HS3ST2: variants seen among roughly 807,000 people sequenced by gnomAD.
HS3ST2 encodes the protein heparan sulfate glucosamine 3-O-sulfotransferase 2.
A neutral mutation model predicts 26.3 loss-of-function variants in HS3ST2; 17 were observed. That is an observed-to-expected ratio of 0.65 (90% CI 0.44 to 0.97). HS3ST2 has a LOEUF of 0.97. HS3ST2 is among the 50% of genes least tolerant of loss of function. HS3ST2 has a pLI of 0.00. For missense variants in HS3ST2, 402 were observed against 501.2 expected (o/e 0.80, Z 1.89); for synonymous variants, 237 against 219.2 (o/e 1.08, Z -0.72).
chr16:22,843,612 G>C (rs1480588565), intron 1 of HS3ST2, among the ~76,000 whole-genome samples: 1 of 152,206 alleles, frequency 6.6e-6, no homozygotes, highest in African/African-American at 2.4e-5. Flanking sequence ...CACAGGGTGA[G>C]GTCTGGAAGG....
At chr16:22,905,923 G>A (rs1410015012) in intron 1 of HS3ST2, among the ~76,000 whole-genome samples, 1 of 152,158 alleles carries the variant, frequency 6.6e-6, no homozygotes, top group Non-Finnish European at 1.5e-5. Context: ...AAATTGGAAT[G>A]TACAGAAGAG....
At chr16:22,858,233 G>T (rs1901626447) in intron 1 of HS3ST2, among the ~76,000 whole-genome samples, 1 of 151,336 alleles carries the variant, frequency 6.6e-6, no homozygotes, top group Non-Finnish European at 1.5e-5. Flanking sequence ...GTGCTTGAGG[G>T]GATGGATACC....
chr16:22,839,677 A>G (rs190807392), intron 1 of HS3ST2, among the ~76,000 whole-genome samples: 12 of 151,670 alleles, frequency 7.9e-5, no homozygotes, highest in Admixed American at 7.2e-4. Context: ...AAAGATTCTG[A>G]TATCAGCCAC....
At chr16:22,866,546 G>A (rs1404224796) in intron 1 of HS3ST2, among the ~76,000 whole-genome samples, 3 of 152,132 alleles carry the variant, frequency 2.0e-5, no homozygotes, top group African/African-American at 7.2e-5. Flanking sequence ...AAGGCAGGCA[G>A]ATCACTTGAG....
chr16:22,833,866 G>A (rs1455404483), intron 1 of HS3ST2, among the ~76,000 whole-genome samples: 1 of 151,832 alleles, frequency 6.6e-6, no homozygotes, highest in Admixed American at 6.6e-5. Flanking sequence ...GCAGAATCCA[G>A]CATAGCAGAT....
intron 1 of HS3ST2, among the ~76,000 whole-genome samples, chr16:22,830,060 G>A (rs546705352): frequency 3.3e-5 from 5 of 152,244 alleles, no homozygotes; most frequent in Middle Eastern, 3.4e-3. Context: ...GCCCCAGACA[G>A]ACAGCCAGCA....
chr16:22,842,688 T>C (rs1901375953), intron 1 of HS3ST2, among the ~76,000 whole-genome samples: 1 of 152,172 alleles, frequency 6.6e-6, no homozygotes, highest in African/African-American at 2.4e-5. Context: ...TTCTCTCTAC[T>C]TCCTCCTCCC....
At chr16:22,885,229 GAA>G (rs2141198561) in intron 1 of HS3ST2, among the ~76,000 whole-genome samples, 1 of 151,902 alleles carries the variant, frequency 6.6e-6, no homozygotes, top group South Asian at 2.1e-4. Flanking sequence ...TGGCTTAGAA[GAA>G]AAAGTCTTGC....
intron 1 of HS3ST2, among the ~76,000 whole-genome samples, chr16:22,906,955 C>G (rs765316508): frequency 2.0e-5 from 3 of 152,210 alleles, no homozygotes; most frequent in Non-Finnish European, 4.4e-5. Context: ...TAAATGGATG[C>G]ATAACTAACA....
chr16:22,856,511 A>G (rs890197212), intron 1 of HS3ST2, among the ~76,000 whole-genome samples: 1 of 152,148 alleles, frequency 6.6e-6, no homozygotes, highest in African/African-American at 2.4e-5. Flanking sequence ...TCCTATTGCT[A>G]TGTAGGATTG....
intron 1 of HS3ST2, among the ~76,000 whole-genome samples, chr16:22,837,520 TACAC>T (rs1315305790): frequency 2.0e-5 from 3 of 147,062 alleles, no homozygotes; most frequent in Admixed American, 6.8e-5. Flanking sequence ...TGTATATATA[TACAC>T]ATATATATAC....
At chr16:22,821,776 G>A (rs1217188878) in intron 1 of HS3ST2, among the ~76,000 whole-genome samples, 1 of 152,148 alleles carries the variant, frequency 6.6e-6, no homozygotes, top group Admixed American at 6.5e-5. Context: ...TTCACAAGCA[G>A]CTTGACGAGG....
chr16:22,883,547 T>C (rs1247594953), intron 1 of HS3ST2, among the ~76,000 whole-genome samples: 3 of 152,226 alleles, frequency 2.0e-5, no homozygotes, highest in African/African-American at 7.2e-5. Context: ...GTGAGCTCTT[T>C]TAGAAAGTCA....
At position 22,831,158 on chromosome 16, in the gene HS3ST2, A is replaced by C. The variant is rs118026841; in HGVS notation, c.485+16063A>C. Among the ~76,000 whole-genome samples, 466 of 152,380 alleles carry C rather than the reference A, an allele frequency of 3.1e-3. 5 individuals are homozygous for C. Among genetic ancestry groups the C allele is most frequent in the Non-Finnish European group, 2.6e-3 (176 of 68,038 alleles). ...ATAAGAAGACTTGAATAGAATGGAA[A>C]AGGAAAGATAATTATCTTCTAATGA... On this transcript the variant is annotated intron_variant, in intron 1 of 1. Transcript: ENST00000261374.
At chr16:22,909,593 A>G (rs2141748221) in intron 1 of HS3ST2, among the ~76,000 whole-genome samples, 1 of 152,328 alleles carries the variant, frequency 6.6e-6, no homozygotes, top group East Asian at 1.9e-4. Flanking sequence ...AGGAGAAATA[A>G]ATATTCAAGG....
chr16:22,901,432 T>C (rs190703200), intron 1 of HS3ST2, among the ~76,000 whole-genome samples: 1 of 151,948 alleles, frequency 6.6e-6, no homozygotes, highest in Admixed American at 6.5e-5. Flanking sequence ...CTAGACCTAC[T>C]GAATCAGAAA....
intron 1 of HS3ST2, 72 bp downstream of exon 1, chr16:22,815,167 G>T (rs1054284284): frequency 3.8e-6 from 6 of 1,570,218 alleles, no homozygotes; most frequent in Non-Finnish European, 5.2e-6. Flanking sequence ...TCCGTCTCTT[G>T]TGTTTTCTCT....
chr16:22,833,840 AAG>A (rs1287246883), intron 1 of HS3ST2, among the ~76,000 whole-genome samples: 2 of 152,200 alleles, frequency 1.3e-5, no homozygotes, highest in Admixed American at 1.3e-4. Context: ...ACAAAAAATA[AAG>A]AGATATTCAC....
chr16:22,831,857 CA>C (rs1385556708), intron 1 of HS3ST2, among the ~76,000 whole-genome samples: 2 of 151,982 alleles, frequency 1.3e-5, no homozygotes, highest in Admixed American at 1.3e-4. Context: ...TAGGGACACC[CA>C]AGGGGGACTC....
Sources: gnomAD v4.1 joint callset for allele counts (sites outside exome capture counted in the v4.1 genomes callset) on GRCh38, gnomAD v4.1.1 for gene constraint, MANE v1.5 for transcripts, NCBI Gene and HGNC (gene_info 2026-07-23, HGNC 2026-07-21) for gene names.